ARB2A: variants seen among roughly 807,000 people sequenced by gnomAD.
ARB2A encodes the protein ARB2 cotranscriptional regulator A.
chr5:94,036,613 G>GTTCATGCATCATACCCACTGA, the ARB2A span, among the ~76,000 whole-genome samples: 2 of 152,140 alleles, frequency 1.3e-5, no homozygotes, highest in Non-Finnish European at 2.9e-5. Flanking sequence ...TGAACCACTG[G>GTTCATGCATCATACCCACTGA]TTCATGCATC....
At chr5:93,746,117 G>T in the ARB2A span, among the ~76,000 whole-genome samples, 1 of 152,296 alleles carries the variant, frequency 6.6e-6, no homozygotes, top group East Asian at 1.9e-4. Flanking sequence ...ACACTGAAAT[G>T]ATTGTCAATC....
chr5:93,716,477 C>G, the ARB2A span, among the ~76,000 whole-genome samples: 1 of 151,778 alleles, frequency 6.6e-6, no homozygotes, highest in African/African-American at 2.4e-5. Context: ...AATGAGTGAT[C>G]AAGAGAAAAT....
At chr5:93,626,474 A>ATAC in the ARB2A span, among the ~76,000 whole-genome samples, 1 of 152,222 alleles carries the variant, frequency 6.6e-6, no homozygotes, top group Non-Finnish European at 1.5e-5. Flanking sequence ...CCTAGACCAA[A>ATAC]AGGTCATGGA....
the ARB2A span, among the ~76,000 whole-genome samples, chr5:94,067,451 A>G: frequency 2.8e-4 from 43 of 152,296 alleles, 1 homozygote; most frequent in South Asian, 8.9e-3. Flanking sequence ...AGACTCCACC[A>G]ATAAACTTGT....
At chr5:94,085,480 T>C in the ARB2A span, among the ~76,000 whole-genome samples, 5 of 152,320 alleles carry the variant, frequency 3.3e-5, no homozygotes, top group East Asian at 9.6e-4. Flanking sequence ...TTGGTACTGA[T>C]TGTTGTTACG....
chr5:94,095,899 C>G, the ARB2A span, among the ~76,000 whole-genome samples: 68 of 152,072 alleles, frequency 4.5e-4, no homozygotes, highest in African/African-American at 1.6e-3. Flanking sequence ...GCTCATTTAT[C>G]TCTCCCGCTC....
At chr5:93,666,187 G>C in the ARB2A span, among the ~76,000 whole-genome samples, 1 of 152,086 alleles carries the variant, frequency 6.6e-6, no homozygotes, top group Non-Finnish European at 1.5e-5. Flanking sequence ...AAGATACCAG[G>C]GTAGGTATCT....
At chr5:93,987,138 C>T in the ARB2A span, among the ~76,000 whole-genome samples, 22 of 152,146 alleles carry the variant, frequency 1.4e-4, no homozygotes, top group African/African-American at 5.1e-4. Context: ...TAAAGATCGA[C>T]CCTGTAAGTT....
At chr5:93,751,062 A>G in the ARB2A span, among the ~76,000 whole-genome samples, 402 of 152,288 alleles carry the variant, frequency 2.6e-3, 2 homozygotes, top group African/African-American at 9.3e-3. Context: ...ATTATCAATA[A>G]CTTTTAACTT....
the ARB2A span, among the ~76,000 whole-genome samples, chr5:93,671,593 TA>T: frequency 6.6e-5 from 10 of 152,206 alleles, no homozygotes; most frequent in East Asian, 1.9e-3. Context: ...TTCATGTTAT[TA>T]AAAAAATGAA....
the ARB2A span, among the ~76,000 whole-genome samples, chr5:93,659,886 A>G: frequency 6.6e-6 from 1 of 152,246 alleles, no homozygotes; most frequent in East Asian, 1.9e-4. Flanking sequence ...CTTCTTTCAC[A>G]ATGCACCTGA....
At chr5:93,825,613 T>C in the ARB2A span, among the ~76,000 whole-genome samples, 1 of 152,276 alleles carries the variant, frequency 6.6e-6, no homozygotes. Flanking sequence ...TCTCCAGGCA[T>C]GTCATAGCAA....
the ARB2A span, among the ~76,000 whole-genome samples, chr5:93,857,626 A>C: frequency 6.6e-6 from 1 of 152,166 alleles, no homozygotes. Flanking sequence ...GCCGTATTTT[A>C]AGCCCGTCGG....
At chr5:93,708,065 T>C in the ARB2A span, among the ~76,000 whole-genome samples, 1 of 152,204 alleles carries the variant, frequency 6.6e-6, no homozygotes, top group South Asian at 2.1e-4. Flanking sequence ...TTTTGCCACA[T>C]TCATTTCATC....
chr5:93,675,537 G>A, the ARB2A span, among the ~76,000 whole-genome samples: 1 of 152,128 alleles, frequency 6.6e-6, no homozygotes, highest in Non-Finnish European at 1.5e-5. Context: ...ACCTCACTCA[G>A]CCCCTCATTT....
At chr5:93,794,163 C>T in the ARB2A span, among the ~76,000 whole-genome samples, 31 of 152,064 alleles carry the variant, frequency 2.0e-4, no homozygotes, top group Admixed American at 2.0e-3. Context: ...AATTCGAAAG[C>T]CTTGTCTTCA....
the ARB2A span, among the ~76,000 whole-genome samples, chr5:93,812,385 A>G: frequency 6.6e-6 from 1 of 152,154 alleles, no homozygotes; most frequent in Non-Finnish European, 1.5e-5. Context: ...ACAGGGCATC[A>G]TTTGATGGAG....
At chr5:93,802,779 G>C in the ARB2A span, among the ~76,000 whole-genome samples, 1 of 151,986 alleles carries the variant, frequency 6.6e-6, no homozygotes, top group Non-Finnish European at 1.5e-5. Context: ...ATAAATTCTG[G>C]TTAAAACAGA....
the ARB2A span, among the ~76,000 whole-genome samples, chr5:93,648,709 A>G: frequency 1.3e-5 from 2 of 152,228 alleles, no homozygotes; most frequent in South Asian, 4.1e-4. Flanking sequence ...GCTTAGAAAT[A>G]GTGTACACAG....
Sources: allele counts gnomAD v4.1 joint callset (sites outside exome capture counted in the v4.1 genomes callset), GRCh38; gene constraint gnomAD v4.1.1; transcripts MANE v1.5; gene names NCBI Gene and HGNC (gene_info 2026-07-23, HGNC 2026-07-21).